Variants in SWAP70 observed in about 807,000 individuals in gnomAD.
SWAP70 encodes the protein switch-associated protein 70.
In SWAP70, 34 loss-of-function variants were observed where a neutral mutation model predicts 80.2. The observed-to-expected ratio is 0.42, with a 90% CI of 0.32 to 0.56. The LOEUF (loss-of-function observed/expected upper bound fraction) is 0.56. Ranked by LOEUF, SWAP70 falls within the 20% of genes least tolerant of loss-of-function variation. The pLI, the probability that SWAP70 is intolerant of heterozygous loss-of-function variation, is 0.09. For missense variants in SWAP70, 578 were observed against 690.7 expected (o/e 0.84, Z 1.83); for synonymous variants, 239 against 238.5 (o/e 1.00, Z -0.02).
intron 2 of SWAP70, among the ~76,000 whole-genome samples, chr11:9,704,380 T>A (rs555009786): frequency 4.1e-4 from 58 of 141,222 alleles, no homozygotes; most frequent in South Asian, 1.3e-3. Context: ...TTTTTTTTTT[T>A]TAATTTTTAT....
At chr11:9,698,571 A>C (rs560239560) in intron 2 of SWAP70, among the ~76,000 whole-genome samples, 25 of 151,008 alleles carry the variant, frequency 1.7e-4, no homozygotes, top group Non-Finnish European at 3.2e-4. Context: ...CACCTGGATA[A>C]TTTTTGTATT....
At chr11:9,671,533 T>TATATATATAA (rs1565109445) in intron 1 of SWAP70, among the ~76,000 whole-genome samples, 13 of 25,042 alleles carry the variant, frequency 5.2e-4, no homozygotes, top group Admixed American at 1.0e-3. Flanking sequence ...AATATATAAA[T>TATATATATAA]ATATAGAAAT....
intron 8 of SWAP70, among the ~76,000 whole-genome samples, chr11:9,738,960 G>C (rs190661576): frequency 3.0e-4 from 45 of 152,288 alleles, no homozygotes; most frequent in African/African-American, 1.1e-3. Flanking sequence ...TGCCATTCTG[G>C]TATAATTATT....
At chr11:9,722,709 T>C (rs1268412461) in intron 3 of SWAP70, among the ~76,000 whole-genome samples, 1 of 152,106 alleles carries the variant, frequency 6.6e-6, no homozygotes, top group African/African-American at 2.4e-5. Flanking sequence ...GAGTGGGGAA[T>C]GACATAAAGC....
chr11:9,744,144 A>T (rs891686839), intron 9 of SWAP70, among the ~76,000 whole-genome samples: 10 of 151,976 alleles, frequency 6.6e-5, no homozygotes, highest in African/African-American at 1.9e-4. Flanking sequence ...TTGTATTTTT[A>T]GTAGAGACGG....
intron 9 of SWAP70, chr11:9,741,226 C>G (rs1851434581): frequency 6.6e-6 from 1 of 151,902 alleles, no homozygotes; most frequent in Non-Finnish European, 1.5e-5. Flanking sequence ...AAAGAAGAAG[C>G]CATCTTTAGT....
chr11:9,699,154 G>T (rs1423341575), intron 2 of SWAP70, among the ~76,000 whole-genome samples: 1 of 152,172 alleles, frequency 6.6e-6, no homozygotes, highest in Non-Finnish European at 1.5e-5. Context: ...GTTTCTTGGG[G>T]TGAGGGGGAG....
At chr11:9,733,826 C>A (rs939474876) in intron 7 of SWAP70, among the ~76,000 whole-genome samples, 3 of 151,994 alleles carry the variant, frequency 2.0e-5, no homozygotes, top group African/African-American at 7.2e-5. Flanking sequence ...ACTTGGTGTC[C>A]TTTTTTATAA....
chr11:9,722,684 T>C (rs1296324672), intron 3 of SWAP70, among the ~76,000 whole-genome samples: 1 of 152,156 alleles, frequency 6.6e-6, no homozygotes, highest in Non-Finnish European at 1.5e-5. Flanking sequence ...AAAGGTATTC[T>C]AGACAGAGAA....
At chr11:9,715,288 A>AT (rs1018929186) in intron 3 of SWAP70, among the ~76,000 whole-genome samples, 2 of 152,048 alleles carry the variant, frequency 1.3e-5, no homozygotes, top group African/African-American at 4.8e-5. Context: ...CTAAAAGGGA[A>AT]TTTTTTAAAA....
chr11:9,725,615 A>T (rs1851213791), intron 4 of SWAP70, among the ~76,000 whole-genome samples: 1 of 134,448 alleles, frequency 7.4e-6, no homozygotes, highest in Admixed American at 8.3e-5. Context: ...CGCTGTCACC[A>T]GGCTGGAGTG....
chr11:9,740,296 A>G lies in SWAP70; in HGVS notation c.1304A>G (p.Asp435Gly), dbSNP rs1851419110. ...MYLKLQEALE[D>G]ERQARQDEET... ...CTAAAGCTGCAGGAGGCTCTTGAAG[A>G]TGAGAGACAGGCCCGGCAAGATGAA... Residue 435 changes from aspartate (D) to glycine (G), a missense_variant, in exon 9 of 12, where the codon GAT becomes GGT. By Grantham distance (94) the Asp-to-Gly change is moderately conservative (BLOSUM62 -1). Transcript: ENST00000318950. 1 of 1,614,112 alleles carries G rather than the reference A, an allele frequency of 6.2e-7. No individual in the cohort carries two copies. The highest frequency in any genetic ancestry group is 1.3e-5 in the African/African-American group (1 of 74,938).
chr11:9,726,958 A>G (rs1284645858), intron 4 of SWAP70: 7 of 456,196 alleles, frequency 1.5e-5, no homozygotes, highest in Admixed American at 2.3e-5. Flanking sequence ...GCAGAAAGGT[A>G]GGTTGGTACC....
chr11:9,719,979 C>A, intron 3 of SWAP70: 1 of 717,216 alleles, frequency 1.4e-6, no homozygotes, highest in Non-Finnish European at 1.7e-6. Flanking sequence ...AAATCACATG[C>A]ATCTTGAAAG....
At chr11:9,677,598 A>G (rs546561267) in intron 1 of SWAP70, among the ~76,000 whole-genome samples, 18 of 152,300 alleles carry the variant, frequency 1.2e-4, no homozygotes, top group African/African-American at 4.1e-4. Context: ...TCTTAAATAT[A>G]GCAAAATCTA....
chr11:9,725,110 T>A, intron 4 of SWAP70: 1 of 486,554 alleles, frequency 2.1e-6, no homozygotes, highest in East Asian at 3.6e-5. Flanking sequence ...AGGGATTCTC[T>A]TGCCTTGAAG....
chr11:9,743,626 T>G (rs1301572517), intron 9 of SWAP70, among the ~76,000 whole-genome samples: 1 of 151,772 alleles, frequency 6.6e-6, no homozygotes, highest in Non-Finnish European at 1.5e-5. Context: ...ATTGTGGTTT[T>G]GATTTGCATT....
chr11:9,741,025 A>C (rs11821692), intron 9 of SWAP70: 15,095 of 153,712 alleles, frequency 0.098, 1,897 homozygotes, highest in East Asian at 0.28. Context: ...CATTTACATT[A>C]TTTAAGGTGT....
rs140463209 is a variant in SWAP70, at chr11:9,726,063, T to C, written c.642+1178T>C. 2.9e-3 allele frequency among the ~76,000 whole-genome samples: 435 copies of C among 152,278 alleles called. 2 individuals are homozygous for C. The highest frequency in any genetic ancestry group is 0.013 in the South Asian group (62 of 4,826). ...AATGTTTACAGTGATCACCTCTAGA[T>C]TGTGGGATTTTGGTGAATTTTTTTC... On this transcript the variant is annotated intron_variant, in intron 4 of 11. Transcript: ENST00000318950.
Sources: gnomAD v4.1 joint callset for allele counts (sites outside exome capture counted in the v4.1 genomes callset) on GRCh38, gnomAD v4.1.1 for gene constraint, MANE v1.5 for transcripts, NCBI Gene and HGNC (gene_info 2026-07-23, HGNC 2026-07-21) for gene names.